The following RIMS2 variants were observed in gnomAD, a reference collection of about 807,000 sequenced individuals.
RIMS2 encodes the protein regulating synaptic membrane exocytosis 2.
A neutral mutation model predicts 174.4 loss-of-function variants in RIMS2; 59 were observed. That is an observed-to-expected ratio of 0.34 (90% CI 0.27 to 0.42). The LOEUF (loss-of-function observed/expected upper bound fraction) is 0.42. RIMS2 is among the 10% of genes least tolerant of loss of function. RIMS2 has a pLI of 1.00. For missense variants in RIMS2, 1,620 were observed against 1,666.3 expected (o/e 0.97, Z 0.48); for synonymous variants, 606 against 572.5 (o/e 1.06, Z -0.84).
chr8:104,233,721 A>AT (rs902193317), intron 19 of RIMS2, among the ~76,000 whole-genome samples: 16 of 152,010 alleles, frequency 1.1e-4, no homozygotes, highest in African/African-American at 1.9e-4. Context: ...GTAAGCTAGT[A>AT]TTTTTTTTCT....
intron 15 of RIMS2, among the ~76,000 whole-genome samples, chr8:103,964,833 A>G (rs1425331448): frequency 2.0e-5 from 3 of 152,108 alleles, no homozygotes; most frequent in African/African-American, 4.8e-5. Flanking sequence ...ATTTTTGAAG[A>G]GTGTAATGTC....
chr8:103,949,038 G>A (rs1395137085), intron 14 of RIMS2, among the ~76,000 whole-genome samples: 1 of 145,820 alleles, frequency 6.9e-6, no homozygotes, highest in Non-Finnish European at 1.5e-5. Flanking sequence ...GAGGTGGTAA[G>A]ATGGCTTGAG....
chr8:103,650,414 T>A (rs1468791245), intron 1 of RIMS2, among the ~76,000 whole-genome samples: 1 of 152,164 alleles, frequency 6.6e-6, no homozygotes, highest in Non-Finnish European at 1.5e-5. Context: ...GGATCAGGGA[T>A]CTGCCTAAAG....
intron 3 of RIMS2, among the ~76,000 whole-genome samples, chr8:103,836,369 G>C (rs2098890653): frequency 6.6e-6 from 1 of 152,090 alleles, no homozygotes; most frequent in Non-Finnish European, 1.5e-5. Flanking sequence ...GGGCAATATC[G>C]TGAGATCCCC....
chr8:103,639,520 A>G (rs866079848), intron 1 of RIMS2, among the ~76,000 whole-genome samples: 4 of 151,940 alleles, frequency 2.6e-5, no homozygotes, highest in Non-Finnish European at 5.9e-5. Flanking sequence ...CCTTTCCCAG[A>G]ATGTCATATA....
intron 19 of RIMS2, among the ~76,000 whole-genome samples, chr8:104,237,027 A>G (rs1318896150): frequency 6.6e-6 from 1 of 152,154 alleles, no homozygotes; most frequent in Non-Finnish European, 1.5e-5. Context: ...AACTATTCTA[A>G]AATCAAATAT....
intron 3 of RIMS2, among the ~76,000 whole-genome samples, chr8:103,788,023 A>G (rs1592369243): frequency 1.3e-5 from 2 of 150,976 alleles, no homozygotes; most frequent in South Asian, 2.1e-4. Flanking sequence ...CATTCATTTC[A>G]TCTTCCATTG....
At chr8:104,250,959 C>T in intron 22 of RIMS2, 65 bp from the exon 29 acceptor site, 1 of 1,391,634 alleles carries the variant, frequency 7.2e-7, no homozygotes, top group African/African-American at 1.4e-5. Flanking sequence ...GTAAATGTCA[C>T]CGTGCGTCGG....
chr8:103,919,043 A>C (rs1173694845), intron 9 of RIMS2, among the ~76,000 whole-genome samples: 2 of 152,204 alleles, frequency 1.3e-5, no homozygotes, highest in Non-Finnish European at 2.9e-5. Context: ...TTTAATGTCA[A>C]ATTTATCTAT....
At chr8:103,948,372 G>A (rs1343085705) in intron 14 of RIMS2, among the ~76,000 whole-genome samples, 3 of 152,176 alleles carry the variant, frequency 2.0e-5, no homozygotes, top group Admixed American at 6.5e-5. Flanking sequence ...AGACTTGTAC[G>A]TGAATGTTCA....
intron 1 of RIMS2, among the ~76,000 whole-genome samples, chr8:103,687,324 GT>G (rs908861859): frequency 6.7e-6 from 1 of 148,746 alleles, no homozygotes; most frequent in Non-Finnish European, 1.5e-5. Context: ...TTTGTGTCTT[GT>G]TTTTTTCATC....
chr8:103,527,290 T>G (rs1220966474), intron 1 of RIMS2, among the ~76,000 whole-genome samples: 1 of 152,210 alleles, frequency 6.6e-6, no homozygotes, highest in Non-Finnish European at 1.5e-5. Context: ...CCAAGACCCC[T>G]TGCAGATACC....
chr8:103,701,234 TGTGGAATTCTTG>T (rs2097162930), intron 2 of RIMS2, among the ~76,000 whole-genome samples: 1 of 152,130 alleles, frequency 6.6e-6, no homozygotes, highest in Non-Finnish European at 1.5e-5. Flanking sequence ...TTTTGCTGAT[TGTGGAATTCTTG>T]GTTAACACTT....
chr8:103,598,827 A>G (rs540141824), intron 1 of RIMS2, among the ~76,000 whole-genome samples: 1 of 152,282 alleles, frequency 6.6e-6, no homozygotes, highest in African/African-American at 2.4e-5. Context: ...TTTAAAGAAA[A>G]GTCCTGGCTT....
chr8:104,201,458 T>C (rs1451294177), intron 19 of RIMS2, among the ~76,000 whole-genome samples: 1 of 152,186 alleles, frequency 6.6e-6, no homozygotes, highest in Non-Finnish European at 1.5e-5. Flanking sequence ...AATATAGTCA[T>C]AAAAGCTAAT....
chr8:103,617,455 A>G (rs1397431110), intron 1 of RIMS2, among the ~76,000 whole-genome samples: 10 of 152,182 alleles, frequency 6.6e-5, no homozygotes, highest in Admixed American at 2.0e-4. Flanking sequence ...GAATGGGGAA[A>G]GATTCCATGA....
chr8:104,170,650 T>C (rs2098826753), intron 19 of RIMS2, among the ~76,000 whole-genome samples: 1 of 152,114 alleles, frequency 6.6e-6, no homozygotes, highest in Non-Finnish European at 1.5e-5. Flanking sequence ...TTTAGGCCAG[T>C]TACATTCAAC....
intron 1 of RIMS2, among the ~76,000 whole-genome samples, chr8:103,588,458 C>T (rs1318543160): frequency 6.6e-6 from 1 of 151,776 alleles, no homozygotes; most frequent in African/African-American, 2.4e-5. Flanking sequence ...CAAAGCTGTC[C>T]TGAACAAAAA....
At chr8:103,767,970 A>T (rs556412299) in intron 3 of RIMS2, among the ~76,000 whole-genome samples, 1 of 152,248 alleles carries the variant, frequency 6.6e-6, no homozygotes, top group African/African-American at 2.4e-5. Context: ...GGAATTGTTA[A>T]CTCTCTGAAA....
Sources: gnomAD v4.1 joint callset for allele counts (sites outside exome capture counted in the v4.1 genomes callset) on GRCh38, gnomAD v4.1.1 for gene constraint, MANE v1.5 for transcripts, NCBI Gene and HGNC (gene_info 2026-07-23, HGNC 2026-07-21) for gene names.